The following BMPR2 variants were observed in gnomAD, a reference collection of about 807,000 sequenced individuals.
BMPR2 encodes bone morphogenetic protein receptor type 2, also known as bone morphogenetic protein receptor type-2.
A neutral mutation model predicts 100.8 loss-of-function variants in BMPR2; 29 were observed. The ratio of observed to expected loss-of-function variants is 0.29; its 90% CI spans 0.21 to 0.39. The LOEUF is 0.39. Among genes scored for constraint, BMPR2 ranks in the 10% least tolerant of loss-of-function variants. The probability of loss-of-function intolerance (pLI) is 1.00; values close to 1 mark genes in which losing one functional copy is unlikely to be tolerated. For synonymous variants in BMPR2, 382 were observed against 442.3 expected, an observed-to-expected ratio of 0.86 and a Z score of 1.71; for missense variants, 1,011 against 1,274.5, an observed-to-expected ratio of 0.79 and a Z score of 3.15.
intron 1 of BMPR2, among the ~76,000 whole-genome samples, chr2:202,409,227 C>T (rs1313568361): frequency 6.6e-6 from 1 of 152,112 alleles, no homozygotes; most frequent in African/African-American, 2.4e-5. Flanking sequence ...CACCTGTAAT[C>T]ACAGCTATTT....
intron 6 of BMPR2, among the ~76,000 whole-genome samples, chr2:202,519,378 A>G (rs1214257826): frequency 6.6e-6 from 1 of 152,220 alleles, no homozygotes. Flanking sequence ...ATAAAAAAAA[A>G]TAAACTGACA....
chr2:202,438,972 AAGC>A (rs1691674066), intron 1 of BMPR2, among the ~76,000 whole-genome samples: 4 of 150,678 alleles, frequency 2.7e-5, no homozygotes, highest in African/African-American at 1.0e-4. Flanking sequence ...TTTCCATATA[AAGC>A]AGCAGCTTGT....
chr2:202,482,225 G>A (rs1326669796), intron 3 of BMPR2, among the ~76,000 whole-genome samples: 6 of 152,008 alleles, frequency 3.9e-5, no homozygotes, highest in Admixed American at 1.3e-4. Context: ...TTCATCCATC[G>A]TGGACACTTG....
chr2:202,501,215 C>G (rs137990570), intron 3 of BMPR2, among the ~76,000 whole-genome samples: 1 of 152,274 alleles, frequency 6.6e-6, no homozygotes, highest in South Asian at 2.1e-4. Context: ...CAGCAAGGAA[C>G]GAATACAGCC....
At chr2:202,381,175 A>G (rs1690284924) in intron 1 of BMPR2, among the ~76,000 whole-genome samples, 1 of 151,682 alleles carries the variant, frequency 6.6e-6, no homozygotes, top group Admixed American at 6.5e-5. Context: ...TGGTTTTACC[A>G]TATTGGCCAG....
intron 1 of BMPR2, among the ~76,000 whole-genome samples, chr2:202,386,684 C>CTT (rs796610288): frequency 4.2e-5 from 6 of 144,328 alleles, no homozygotes; most frequent in Admixed American, 1.4e-4. Context: ...CTTTTCTTTT[C>CTT]TTTTTTTTTT....
In BMPR2 at chr2:202,377,398, G is replaced by T; in HGVS notation, c.-77G>T. 7.1e-7 allele frequency: 1 copy of T among 1,408,704 alleles called. No homozygotes were observed. Among genetic ancestry groups the T allele is most frequent in the Non-Finnish European group, 1.0e-6 (1 of 992,490 alleles). 87.3% of individuals were successfully genotyped at this position (1,408,704 alleles called of 1,614,324 possible). A position where few individuals can be genotyped will look rare whatever the true frequency, so the allele number is the denominator to read the frequency against. On this transcript the variant is annotated 5_prime_UTR_variant, in exon 1 of 13. Transcript: ENST00000374580. ...GATCAGTCCACGGGAGAGAAGACGA[G>T]CCTCCCGGCTGTTTCTCCGCCGGTC...
At chr2:202,473,457 A>G (rs1003420858) in intron 3 of BMPR2, among the ~76,000 whole-genome samples, 7 of 152,166 alleles carry the variant, frequency 4.6e-5, no homozygotes, top group African/African-American at 1.7e-4. Flanking sequence ...GTCTTAAAAA[A>G]AAATGAACAT....
At chr2:202,393,822 G>GA (rs1690598715) in intron 1 of BMPR2, among the ~76,000 whole-genome samples, 1 of 147,240 alleles carries the variant, frequency 6.8e-6, no homozygotes, top group Non-Finnish European at 1.5e-5. Flanking sequence ...TACTTATTTA[G>GA]GTCACTAATT....
At chr2:202,441,682 C>T (rs1275482646) in intron 1 of BMPR2, among the ~76,000 whole-genome samples, 1 of 132,082 alleles carries the variant, frequency 7.6e-6, no homozygotes, top group Non-Finnish European at 1.5e-5. Flanking sequence ...TGCGCCACTG[C>T]ACTCCAGCCT....
rs1688660171 is a variant in BMPR2 at position 202,560,391 on chromosome 2, T to C, written c.*445T>C. The C allele has an allele frequency of 5.0e-6, 1 of 199,962 alleles. No individual in the cohort carries two copies. Among genetic ancestry groups the C allele is most frequent in the Non-Finnish European group, 1.0e-5 (1 of 96,368 alleles). 12.4% of individuals were successfully genotyped at this position (199,962 alleles called of 1,614,324 possible). On this transcript the variant is annotated 3_prime_UTR_variant, in exon 13 of 13. Transcript: ENST00000374580. ...ATTTCTGGGCACAAGCTAGTTTTTATGTTGATACGTTCCTGAACATATTAT... is the reference window on the plus strand; with the variant it reads ...ATTTCTGGGCACAAGCTAGTTTTTACGTTGATACGTTCCTGAACATATTAT...
intron 7 of BMPR2, among the ~76,000 whole-genome samples, chr2:202,529,414 A>T (rs1687977240): frequency 6.6e-6 from 1 of 152,230 alleles, no homozygotes; most frequent in African/African-American, 2.4e-5. Context: ...TTTTCTCAAA[A>T]GGGCAGTCTA....
intron 3 of BMPR2, among the ~76,000 whole-genome samples, chr2:202,497,041 G>T (rs1473930375): frequency 6.6e-6 from 1 of 152,236 alleles, no homozygotes; most frequent in Non-Finnish European, 1.5e-5. Context: ...GCAATGAGGG[G>T]CTTAGCACCC....
intron 1 of BMPR2, among the ~76,000 whole-genome samples, chr2:202,453,705 G>A (rs937246788): frequency 1.3e-5 from 2 of 152,138 alleles, no homozygotes; most frequent in African/African-American, 4.8e-5. Context: ...AGTGGGGATG[G>A]TTAATGGGTA....
chr2:202,538,516 G>C (rs1034380794), intron 9 of BMPR2, among the ~76,000 whole-genome samples: 1 of 152,032 alleles, frequency 6.6e-6, no homozygotes, highest in Non-Finnish European at 1.5e-5. Context: ...GGTGGGCCAG[G>C]CACAGTGGCT....
At chr2:202,469,255 C>A (rs530599901) in intron 3 of BMPR2, among the ~76,000 whole-genome samples, 2 of 151,642 alleles carry the variant, frequency 1.3e-5, no homozygotes, top group Non-Finnish European at 2.9e-5. Context: ...CTCGAAGTCC[C>A]GACCTCAGGT....
In BMPR2 at chr2:202,555,736, A is replaced by T. The variant is rs1386689025; in HGVS notation, c.2071A>T (p.Lys691Ter). ...SDENLMEHSL[K>*]QFSGPDPLSS... ...TGAGAATCTCATGGAGCACTCTCTTAAACAGTTCAGTGGCCCAGACCCACT... is the reference window on the plus strand; with the variant it reads ...TGAGAATCTCATGGAGCACTCTCTTTAACAGTTCAGTGGCCCAGACCCACT... Residue 691 changes from lysine to a stop codon, truncating the protein, a stop_gained, in exon 12 of 13, where the codon AAA (lysine) becomes TAA (stop). Coordinates refer to ENST00000374580, the MANE Select transcript of BMPR2 (RefSeq NM_001204.7). LOFTEE classifies it high-confidence loss of function. 1 of 1,614,062 alleles carries T rather than the reference A, an allele frequency of 6.2e-7. No homozygotes were observed. The highest frequency in any genetic ancestry group is 1.3e-5 in the African/African-American group (1 of 74,932).
chr2:202,545,195 T>C (rs1361816632), intron 10 of BMPR2, among the ~76,000 whole-genome samples: 1 of 150,544 alleles, frequency 6.6e-6, no homozygotes, highest in Non-Finnish European at 1.5e-5. Context: ...CTCTATGTTT[T>C]TCTTCCTCCC....
rs1471188141 is a variant in BMPR2, at chr2:202,530,923, C to T, written c.1097C>T (p.Pro366Leu). The T allele has an allele frequency of 6.2e-7, 1 of 1,613,998 alleles. No individual in the cohort carries two copies. The highest frequency in any genetic ancestry group is 1.3e-5 in the African/African-American group (1 of 74,986). Reference sequence around the variant, plus strand: ...CTGACTGGAAATAGACTGGTGCGCCCAGGGGAGGAAGATAATGCAGCCATA... The same window carrying T: ...CTGACTGGAAATAGACTGGTGCGCCTAGGGGAGGAAGATAATGCAGCCATA... Reference protein sequence around the residue: ...MRLTGNRLVRPGEEDNAAISE... With the variant: ...MRLTGNRLVRLGEEDNAAISE... Residue 366 changes from proline (P) to leucine (L), a missense_variant, in exon 8 of 13, where the codon CCA becomes CTA. Pro to Leu is a moderately conservative substitution (Grantham distance 98). Coordinates refer to ENST00000374580, the MANE Select transcript of BMPR2 (RefSeq NM_001204.7).
Sources: gnomAD v4.1 joint callset for allele counts (sites outside exome capture counted in the v4.1 genomes callset) on GRCh38, gnomAD v4.1.1 for gene constraint, MANE v1.5 for transcripts, NCBI Gene and HGNC (gene_info 2026-07-23, HGNC 2026-07-21) for gene names.